HERC3: variants seen among roughly 807,000 people sequenced by gnomAD.
HERC3 encodes the protein HECT and RLD domain containing E3 ubiquitin protein ligase 3, also known as probable E3 ubiquitin-protein ligase HERC3.
In HERC3, 58 loss-of-function variants were observed where a neutral mutation model predicts 129.9. The observed-to-expected ratio is 0.45, with a 90% confidence interval of 0.36 to 0.56. The LOEUF is 0.56. Among genes scored for constraint, HERC3 ranks in the 20% least tolerant of loss-of-function variants. The pLI is 0.00. For synonymous variants in HERC3, 430 were observed against 451.0 expected, an observed-to-expected ratio of 0.95 and a Z score of 0.59; for missense variants, 835 against 1,244.2, an observed-to-expected ratio of 0.67 and a Z score of 4.95.
intron 9 of HERC3, chr4:88,657,423 GA>G (rs891342128): frequency 2.0e-5 from 3 of 152,198 alleles, no homozygotes; most frequent in African/African-American, 7.2e-5. Flanking sequence ...GATGTTCCCA[GA>G]AGCAAAAGAA....
At chr4:88,527,701 G>A in the HERC3 span, 2 of 300,944 alleles carry the variant, frequency 6.6e-6, no homozygotes, top group South Asian at 7.2e-5. Context: ...CATTATCACG[G>A]TGGTTGCCTT....
the HERC3 span, among the ~76,000 whole-genome samples, chr4:88,549,703 C>CTTTT: frequency 7.5e-5 from 11 of 147,340 alleles, no homozygotes; most frequent in Admixed American, 7.4e-4. Context: ...TTTTCTTTTT[C>CTTTT]TTTTTCTTTT....
chr4:88,648,533 C>G lies in HERC3; in HGVS notation c.227-1307C>G, dbSNP rs560553359. Among the ~76,000 whole-genome samples, 5 of 152,220 alleles carry G rather than the reference C, an allele frequency of 3.3e-5. No homozygotes were observed. In the East Asian group the frequency reaches 7.7e-4, roughly 24 times the overall value. ...CATCCCTCCATTGTCTTACAGTTTT[C>G]GGTGTTGCTTCTGAGAAGTATGATG... is the stretch of plus-strand genomic sequence containing the variant. On this transcript the variant is annotated intron_variant, in intron 3 of 25. Coordinates refer to ENST00000402738, the MANE Select transcript of HERC3 (RefSeq NM_014606.3).
At chr4:88,603,626 G>A (rs901236166) in intron 2 of HERC3, among the ~76,000 whole-genome samples, 2 of 152,210 alleles carry the variant, frequency 1.3e-5, no homozygotes, top group Admixed American at 6.5e-5. Context: ...CAAAACCAGA[G>A]AGGTGCATGG....
intron 2 of HERC3, among the ~76,000 whole-genome samples, chr4:88,603,722 T>A (rs954227899): frequency 6.6e-6 from 1 of 152,230 alleles, no homozygotes; most frequent in Admixed American, 6.5e-5. Context: ...ATATTTCATT[T>A]CTGATCAAAG....
rs1359260986 is a variant in HERC3, at chr4:88,646,836, TAA to T, written c.227-3003_227-3002del. ...AGTTTTCTGGCTAGAAGAAATAGAA[TAA>T]GTTAGACTTGTGTAACCAGTGGTTT... On this transcript the variant is annotated intron_variant, in intron 3 of 25. Transcript: ENST00000402738. Among the ~76,000 whole-genome samples, 15 of 152,328 alleles carry T rather than the reference TAA, an allele frequency of 9.8e-5. No individual in the cohort carries two copies. The East Asian group carries it at 2.9e-3, about 29-fold the overall frequency.
At chr4:88,623,149 C>T (rs149316217) in intron 3 of HERC3, among the ~76,000 whole-genome samples, 1 of 152,242 alleles carries the variant, frequency 6.6e-6, no homozygotes, top group African/African-American at 2.4e-5. Flanking sequence ...ATCAGATTCA[C>T]CTGGGCAACT....
At position 88,609,286 on chromosome 4, in the gene HERC3, A is replaced by C. The variant is rs1724029357; in HGVS notation, c.226+3237A>C. On this transcript the variant is annotated intron_variant, in intron 3 of 25. Transcript: ENST00000402738. ...CAACAGAGCAAGACTCTGTCTCAAAACAAAACAAACAACAACAACAAAAAA... is the reference window on the plus strand; with the variant it reads ...CAACAGAGCAAGACTCTGTCTCAAACCAAAACAAACAACAACAACAAAAAA... Among the ~76,000 whole-genome samples, 7 of 152,298 alleles carry C rather than the reference A, an allele frequency of 4.6e-5. No individual in the cohort carries two copies. The South Asian group carries it at 1.5e-3, about 32-fold the overall frequency.
Position 88,700,944 on chromosome 4 carries a change from T to G in HERC3, c.2658-3154T>G, listed in dbSNP as rs1735263647. ...CCTACCCACATTATGGAGGGTAACCTGCTTTACTCAAAGTCAATGAATTTA... is the reference window on the plus strand; with the variant it reads ...CCTACCCACATTATGGAGGGTAACCGGCTTTACTCAAAGTCAATGAATTTA... On this transcript the variant is annotated intron_variant, in intron 23 of 25. Transcript: ENST00000402738. Among the ~76,000 whole-genome samples, 3 of 152,328 alleles carry G rather than the reference T, an allele frequency of 2.0e-5. No homozygotes were observed. The South Asian group carries it at 6.2e-4, about 32-fold the overall frequency.
intron 23 of HERC3, chr4:88,690,474 T>G (rs1446341639): frequency 2.0e-6 from 2 of 985,416 alleles, no homozygotes; most frequent in East Asian, 2.3e-4. Flanking sequence ...TCAGACAAGA[T>G]AATGTGTGCA....
At chr4:88,551,895 CAAT>C in the HERC3 span, among the ~76,000 whole-genome samples, 4 of 152,082 alleles carry the variant, frequency 2.6e-5, no homozygotes, top group Non-Finnish European at 4.4e-5. Flanking sequence ...AAATGTCCAA[CAAT>C]GATAGATTGG....
the HERC3 span, among the ~76,000 whole-genome samples, chr4:88,554,119 G>A: frequency 1.3e-5 from 2 of 152,236 alleles, no homozygotes; most frequent in Non-Finnish European, 2.9e-5. Context: ...AGGCTGAGAT[G>A]GGCAGATTAC....
Position 88,699,893 on chromosome 4 carries a change from T to G in HERC3, c.2658-4205T>G, listed in dbSNP as rs115886214. 4.3e-3 allele frequency among the ~76,000 whole-genome samples: 660 copies of G among 152,310 alleles called. 9 individuals are homozygous for G. Among genetic ancestry groups the G allele is most frequent in the African/African-American group, 0.015 (627 of 41,574 alleles). On this transcript the variant is annotated intron_variant, in intron 23 of 25. Coordinates refer to ENST00000402738, the MANE Select transcript of HERC3 (RefSeq NM_014606.3). ...GTAAAATTTGTCCTTTTGGGCGTGCTTTCACAAGCAAATACAGTAATGTAA... is the reference window on the plus strand; with the variant it reads ...GTAAAATTTGTCCTTTTGGGCGTGCGTTCACAAGCAAATACAGTAATGTAA...
the HERC3 span, among the ~76,000 whole-genome samples, chr4:88,536,308 T>G: frequency 1.3e-5 from 2 of 152,186 alleles, no homozygotes; most frequent in Non-Finnish European, 2.9e-5. Context: ...TTTACTCCAT[T>G]GTCCCTCTAA....
intron 3 of HERC3, among the ~76,000 whole-genome samples, chr4:88,615,655 T>A (rs1323614218): frequency 6.6e-6 from 1 of 152,198 alleles, no homozygotes; most frequent in Admixed American, 6.5e-5. Flanking sequence ...TTTCCTTAGT[T>A]GTAAATGTAG....
intron 3 of HERC3, among the ~76,000 whole-genome samples, chr4:88,610,284 C>T (rs1230723523): frequency 1.3e-5 from 2 of 151,976 alleles, no homozygotes; most frequent in Non-Finnish European, 2.9e-5. Context: ...GAAACCCCAT[C>T]TGTACTAAAA....
the HERC3 span, among the ~76,000 whole-genome samples, chr4:88,573,818 C>T: frequency 1.3e-5 from 2 of 152,168 alleles, no homozygotes; most frequent in African/African-American, 4.8e-5. Flanking sequence ...CACATTCCTC[C>T]TCCAAAAATG....
intron 7 of HERC3, 65 bp from the exon 8 acceptor site, chr4:88,655,109 A>G (rs1229268663): frequency 7.1e-6 from 11 of 1,543,092 alleles, no homozygotes; most frequent in East Asian, 6.8e-5. Flanking sequence ...GGCATTTTGT[A>G]TACAGGGTTT....
chr4:88,560,080 C>T, the HERC3 span, among the ~76,000 whole-genome samples: 6 of 152,072 alleles, frequency 3.9e-5, no homozygotes, highest in East Asian at 9.7e-4. Flanking sequence ...CTGCCTCAGC[C>T]TCCCAAGTAG....
Sources: gnomAD v4.1 joint callset for allele counts (sites outside exome capture counted in the v4.1 genomes callset) on GRCh38, gnomAD v4.1.1 for gene constraint, MANE v1.5 for transcripts, NCBI Gene and HGNC (gene_info 2026-07-23, HGNC 2026-07-21) for gene names.